Variants in GNAI1 observed in about 807,000 individuals in gnomAD.
The protein encoded by GNAI1 is G protein subunit alpha i1.
In GNAI1, 11 loss-of-function variants were observed where a neutral mutation model predicts 38.9. The ratio of observed to expected loss-of-function variants is 0.28; its 90% CI spans 0.18 to 0.47. The LOEUF (loss-of-function observed/expected upper bound fraction) is 0.47, where lower values mean the gene tolerates loss of function less well. Ranked by LOEUF, GNAI1 falls within the 20% of genes least tolerant of loss-of-function variation. The probability of loss-of-function intolerance (pLI) is 0.99; values close to 1 mark genes in which losing one functional copy is unlikely to be tolerated. For synonymous variants in GNAI1, 166 were observed against 145.1 expected, an observed-to-expected ratio of 1.14 and a Z score of -1.04; for missense variants, 317 against 436.9, an observed-to-expected ratio of 0.73 and a Z score of 2.45.
chr7:80,147,715 T>C (rs1787653084), intron 1 of GNAI1, among the ~76,000 whole-genome samples: 1 of 152,212 alleles, frequency 6.6e-6, no homozygotes, highest in Admixed American at 6.5e-5. Context: ...ATTCTGATCT[T>C]AGAAAACTAC....
chr7:80,211,419 CT>C (rs71076502), intron 6 of GNAI1, among the ~76,000 whole-genome samples: 13,277 of 138,550 alleles, frequency 0.096, 431 homozygotes, highest in South Asian at 0.19. Context: ...TTTAGTAAAT[CT>C]TTTTTTTTTT....
At chr7:80,160,545 T>C (rs1464587464) in intron 1 of GNAI1, among the ~76,000 whole-genome samples, 2 of 152,126 alleles carry the variant, frequency 1.3e-5, no homozygotes, top group Non-Finnish European at 2.9e-5. Context: ...TTTCAGCCCC[T>C]TTTGGTTTTG....
chr7:80,217,432 T>G lies in GNAI1; in HGVS notation c.1004T>G (p.Val335Gly), dbSNP rs552102809. 1 of 1,610,314 alleles carries G rather than the reference T, an allele frequency of 6.2e-7. No individual in the cohort carries two copies. Among genetic ancestry groups the G allele is most frequent in the Admixed American group, 1.7e-5 (1 of 59,704 alleles). ...ACAGATACTAAGAATGTGCAGTTTG[T>G]TTTTGATGCTGTAACAGATGTCATC... ...CATDTKNVQF[V>G]FDAVTDVIIK... Residue 335 changes from valine (V) to glycine (G), a missense_variant, in exon 8 of 8, where the codon GTT becomes GGT. Physicochemically the swap from Val to Gly is moderately radical, Grantham distance 109. Transcript: ENST00000649796.
At chr7:80,139,978 C>CTT (rs377275135) in intron 1 of GNAI1, among the ~76,000 whole-genome samples, 53 of 98,496 alleles carry the variant, frequency 5.4e-4, no homozygotes, top group African/African-American at 1.1e-3. Flanking sequence ...GCCCCAATTT[C>CTT]TTTTTTTTTT....
chr7:80,139,909 ATTTTTT>A (rs71076501), intron 1 of GNAI1, among the ~76,000 whole-genome samples: 4 of 121,700 alleles, frequency 3.3e-5, no homozygotes, highest in East Asian at 2.5e-4. Context: ...TTGCCCTGCA[ATTTTTT>A]TTTTTTTTTT....
chr7:80,174,620 T>A (rs1001538249), intron 1 of GNAI1, among the ~76,000 whole-genome samples: 1 of 152,058 alleles, frequency 6.6e-6, no homozygotes, highest in Non-Finnish European at 1.5e-5. Context: ...GTTTTGGGGC[T>A]TTTTATTTTA....
In GNAI1 at chr7:80,211,045, T is replaced by A. The variant is rs549996015; in HGVS notation, c.667T>A (p.Phe223Ile). 1 of 1,613,650 alleles carries A rather than the reference T, an allele frequency of 6.2e-7. No individual in the cohort carries two copies. Among genetic ancestry groups the A allele is most frequent in the East Asian group, 2.2e-5 (1 of 44,866 alleles). The change falls in exon 6 of 8, where the codon TTC (phenylalanine) becomes ATC (isoleucine). Residue 223 changes from phenylalanine to isoleucine, a missense_variant. Coordinates refer to ENST00000649796, the MANE Select transcript of GNAI1 (RefSeq NM_002069.6). ...CTTCGAAGGAGTGACGGCGATCATC[T>A]TCTGTGTAGCACTGAGTGACTACGA... ...HCFEGVTAII[F>I]CVALSDYDLV... is the part of the protein sequence containing the mutation.
At chr7:80,197,473 T>G (rs1788598569) in intron 3 of GNAI1, among the ~76,000 whole-genome samples, 2 of 152,006 alleles carry the variant, frequency 1.3e-5, no homozygotes, top group Admixed American at 6.6e-5. Flanking sequence ...GACGTCGTAA[T>G]GAAAGCTCAT....
chr7:80,172,695 T>C (rs1172205977), intron 1 of GNAI1, among the ~76,000 whole-genome samples: 1 of 152,172 alleles, frequency 6.6e-6, no homozygotes, highest in Non-Finnish European at 1.5e-5. Context: ...ACATCCTTTT[T>C]CCTCCGTACT....
chr7:80,214,104 A>G (rs1241268335), intron 7 of GNAI1, among the ~76,000 whole-genome samples: 1 of 152,278 alleles, frequency 6.6e-6, no homozygotes, highest in Non-Finnish European at 1.5e-5. Flanking sequence ...TTAATTAAAC[A>G]TTCAGTGGAA....
At position 80,156,683 on chromosome 7, in the gene GNAI1, C is replaced by T. The variant is rs111268320; in HGVS notation, c.118+21405C>T. Among the ~76,000 whole-genome samples the T allele has an allele frequency of 4.6e-5, 7 of 152,262 alleles. No individual in the cohort carries two copies. The South Asian group carries it at 1.0e-3, about 23-fold the overall frequency. On this transcript the variant is annotated intron_variant, in intron 1 of 7. Coordinates refer to ENST00000649796, the MANE Select transcript of GNAI1 (RefSeq NM_002069.6). ...TCCTGGCCTCAAGTGACCCTCTTATCGCAGCCTTCCAAAGTGATGGAGTTA... is the reference window on the plus strand; with the variant it reads ...TCCTGGCCTCAAGTGACCCTCTTATTGCAGCCTTCCAAAGTGATGGAGTTA...
In GNAI1 at chr7:80,224,499, T is replaced by C. The variant is rs1044026045; in HGVS notation, c.*7006T>C. ...AAAATCCAGTGTCATTTCTTAGCCATATCTTCAAAATCCAATGGCATAAAG... is the reference window on the plus strand; with the variant it reads ...AAAATCCAGTGTCATTTCTTAGCCACATCTTCAAAATCCAATGGCATAAAG... On this transcript the variant is annotated 3_prime_UTR_variant, in exon 8 of 8. Transcript: ENST00000649796. Among the ~76,000 whole-genome samples the C allele has an allele frequency of 2.6e-5, 4 of 152,234 alleles. No homozygotes were observed. Among genetic ancestry groups the C allele is most frequent in the Admixed American group, 2.6e-4 (4 of 15,282 alleles).
chr7:80,178,789 A>G (rs924803182), intron 1 of GNAI1, among the ~76,000 whole-genome samples: 1 of 152,300 alleles, frequency 6.6e-6, no homozygotes, highest in African/African-American at 2.4e-5. Flanking sequence ...AGAACCCGTA[A>G]TATCTCTGAG....
chr7:80,196,545 A>C (rs1008021528), intron 3 of GNAI1, among the ~76,000 whole-genome samples: 1 of 152,002 alleles, frequency 6.6e-6, no homozygotes, highest in African/African-American at 2.4e-5. Flanking sequence ...CTGTGCTTTT[A>C]AAATTTATCC....
intron 1 of GNAI1, among the ~76,000 whole-genome samples, chr7:80,170,614 AG>A (rs1562830822): frequency 6.6e-6 from 1 of 152,228 alleles, no homozygotes; most frequent in Non-Finnish European, 1.5e-5. Context: ...TAGAACACGA[AG>A]GGGAAGCAGG....
At position 80,221,788 on chromosome 7, in the gene GNAI1, A is replaced by C. The variant is rs1290327107; in HGVS notation, c.*4295A>C. Among the ~76,000 whole-genome samples the C allele has an allele frequency of 6.6e-6, 1 of 151,764 alleles. No homozygotes were observed. The highest frequency in any genetic ancestry group is 1.5e-5 in the Non-Finnish European group (1 of 67,930). ...CTCCCGAGTAGCTGGGATTACAGGCATGCGCCACTACACCCAGCTAATTTT... is the reference window on the plus strand; with the variant it reads ...CTCCCGAGTAGCTGGGATTACAGGCCTGCGCCACTACACCCAGCTAATTTT... On this transcript the variant is annotated 3_prime_UTR_variant, in exon 8 of 8. Transcript: ENST00000649796.
chr7:80,195,762 G>T, intron 3 of GNAI1, among the ~76,000 whole-genome samples: 1 of 151,912 alleles, frequency 6.6e-6, no homozygotes, highest in Admixed American at 6.6e-5. Flanking sequence ...TCTATCTGCT[G>T]TATTACAATA....
At chr7:80,217,099 A>G (rs2049846668) in intron 7 of GNAI1, among the ~76,000 whole-genome samples, 1 of 151,596 alleles carries the variant, frequency 6.6e-6, no homozygotes. Flanking sequence ...GGGATAACTT[A>G]GTCATTAAAG....
At chr7:80,141,033 G>A (rs1184995006) in intron 1 of GNAI1, among the ~76,000 whole-genome samples, 1 of 152,096 alleles carries the variant, frequency 6.6e-6, no homozygotes, top group Non-Finnish European at 1.5e-5. Context: ...CACTTGGAAG[G>A]ACCCTTGTAA....
Sources: allele counts gnomAD v4.1 joint callset (sites outside exome capture counted in the v4.1 genomes callset), GRCh38; gene constraint gnomAD v4.1.1; transcripts MANE v1.5; gene names NCBI Gene and HGNC (gene_info 2026-07-23, HGNC 2026-07-21).